CDH4: variants seen among roughly 807,000 people sequenced by gnomAD.
CDH4 encodes the protein cadherin-4.
CDH4 carries 33 observed loss-of-function variants against 86.0 expected under a neutral mutation model. The ratio of observed to expected loss-of-function variants is 0.38; its 90% CI spans 0.29 to 0.51. The LOEUF (loss-of-function observed/expected upper bound fraction) is 0.51. CDH4 is among the 20% of genes least tolerant of loss of function. The pLI is 0.86. For missense variants in CDH4, 1,114 were observed against 1,307.4 expected (o/e 0.85, Z 2.28); for synonymous variants, 555 against 549.4 (o/e 1.01, Z -0.14).
chr20:61,561,400 T>G (rs1161790243), intron 2 of CDH4, among the ~76,000 whole-genome samples: 1 of 152,230 alleles, frequency 6.6e-6, no homozygotes, highest in Non-Finnish European at 1.5e-5. Context: ...GAGCAGTGGG[T>G]GATTGCTCCC....
intron 2 of CDH4, among the ~76,000 whole-genome samples, chr20:61,342,716 G>C (rs2084655427): frequency 7.2e-6 from 1 of 138,704 alleles, no homozygotes; most frequent in Non-Finnish European, 1.6e-5. Flanking sequence ...GGAAGGATGG[G>C]CTGCAGTATC....
intron 2 of CDH4, among the ~76,000 whole-genome samples, chr20:61,713,062 A>T (rs906897287): frequency 6.6e-6 from 1 of 152,204 alleles, no homozygotes; most frequent in Non-Finnish European, 1.5e-5. Flanking sequence ...TCGTTCACTC[A>T]TGTGGCCAGT....
chr20:61,813,059 A>G (rs1014042351), intron 4 of CDH4, among the ~76,000 whole-genome samples: 36 of 152,238 alleles, frequency 2.4e-4, no homozygotes, highest in Non-Finnish European at 4.4e-4. Context: ...TGCGAACCAC[A>G]TCCCGCTGCC....
intron 9 of CDH4, among the ~76,000 whole-genome samples, chr20:61,917,728 C>A (rs2427244): frequency 0.018 from 2,683 of 152,388 alleles, 66 homozygotes; most frequent in African/African-American, 0.061. Flanking sequence ...GGGTCATGGC[C>A]ACGTGTGGGC....
At chr20:61,645,664 TG>T in intron 2 of CDH4, among the ~76,000 whole-genome samples, 1 of 150,990 alleles carries the variant, frequency 6.6e-6, no homozygotes, top group African/African-American at 2.4e-5. Flanking sequence ...TAACATTTCC[TG>T]GTGCTTCTGC....
chr20:61,579,140 G>A (rs1382287785), intron 2 of CDH4, among the ~76,000 whole-genome samples: 2 of 152,044 alleles, frequency 1.3e-5, no homozygotes, highest in Admixed American at 6.6e-5. Context: ...GAAATCCAGG[G>A]TCCCAAATGG....
At chr20:61,898,502 G>T (rs543029901) in intron 8 of CDH4, among the ~76,000 whole-genome samples, 1 of 152,240 alleles carries the variant, frequency 6.6e-6, no homozygotes, top group Admixed American at 6.5e-5. Flanking sequence ...AACACCGATG[G>T]GTCCTGCAGT....
At chr20:61,872,371 C>T (rs1407507618) in intron 6 of CDH4, among the ~76,000 whole-genome samples, 1 of 152,166 alleles carries the variant, frequency 6.6e-6, no homozygotes, top group Non-Finnish European at 1.5e-5. Context: ...AGGAGTTGGC[C>T]AGGTGGAGGA....
chr20:61,339,178 C>G (rs2084636198), intron 2 of CDH4, among the ~76,000 whole-genome samples: 1 of 152,080 alleles, frequency 6.6e-6, no homozygotes, highest in Non-Finnish European at 1.5e-5. Context: ...TCCCCAAACA[C>G]TATATTTTAT....
intron 2 of CDH4, among the ~76,000 whole-genome samples, chr20:61,600,386 C>T (rs2086590697): frequency 6.6e-6 from 1 of 152,234 alleles, no homozygotes; most frequent in Non-Finnish European, 1.5e-5. Flanking sequence ...TGATTGAGGA[C>T]ACAGGCTTCG....
chr20:61,815,540 A>C (rs563013363), intron 4 of CDH4, among the ~76,000 whole-genome samples: 1 of 152,324 alleles, frequency 6.6e-6, no homozygotes, highest in South Asian at 2.1e-4. Context: ...GAGCCTCTGA[A>C]GGTAAAACCA....
At chr20:61,817,282 C>G (rs1980767105) in intron 4 of CDH4, among the ~76,000 whole-genome samples, 1 of 152,142 alleles carries the variant, frequency 6.6e-6, no homozygotes, top group Non-Finnish European at 1.5e-5. Context: ...CTCACCGGGC[C>G]CAGCCCCGCT....
chr20:61,586,174 G>A (rs879256055), intron 2 of CDH4, among the ~76,000 whole-genome samples: 2 of 144,026 alleles, frequency 1.4e-5, no homozygotes, highest in African/African-American at 2.7e-5. Flanking sequence ...TGATGATGAT[G>A]TTTATAGTGA....
chr20:61,711,436 T>C (rs112187776), intron 2 of CDH4, among the ~76,000 whole-genome samples: 5,144 of 152,312 alleles, frequency 0.034, 284 homozygotes, highest in African/African-American at 0.12. Flanking sequence ...TGGCTCCTTC[T>C]GGAGACTCCA....
At chr20:61,472,638 CAA>C (rs1318906627) in intron 2 of CDH4, among the ~76,000 whole-genome samples, 1 of 152,210 alleles carries the variant, frequency 6.6e-6, no homozygotes, top group Admixed American at 6.5e-5. Flanking sequence ...ATTGTACAAA[CAA>C]ATTGTCTACC....
chr20:61,413,434 G>A (rs1443947889), intron 2 of CDH4, among the ~76,000 whole-genome samples: 2 of 152,092 alleles, frequency 1.3e-5, no homozygotes, highest in Non-Finnish European at 2.9e-5. Context: ...CACCTTCCAA[G>A]TCAACCACTG....
intron 2 of CDH4, among the ~76,000 whole-genome samples, chr20:61,276,515 G>C (rs2084232717): frequency 6.6e-6 from 1 of 152,174 alleles, no homozygotes. Flanking sequence ...TTGAGCAGTG[G>C]CTAAATCCCA....
chr20:61,734,331 G>A (rs2088233882), intron 2 of CDH4, among the ~76,000 whole-genome samples: 1 of 152,378 alleles, frequency 6.6e-6, no homozygotes, highest in African/African-American at 2.4e-5. Context: ...TTCAGAACTG[G>A]CCCAAGCCTG....
At chr20:61,875,125 G>A (rs1012996474) in intron 7 of CDH4, among the ~76,000 whole-genome samples, 3 of 152,136 alleles carry the variant, frequency 2.0e-5, no homozygotes, top group African/African-American at 7.2e-5. Flanking sequence ...GACCCCCCGG[G>A]GCCTCCAGTT....
Sources: gnomAD v4.1 joint callset for allele counts (sites outside exome capture counted in the v4.1 genomes callset) on GRCh38, gnomAD v4.1.1 for gene constraint, MANE v1.5 for transcripts, NCBI Gene and HGNC (gene_info 2026-07-23, HGNC 2026-07-21) for gene names.